DERL2: variants seen among roughly 807,000 people sequenced by gnomAD.
DERL2 encodes the protein derlin 2, also known as derlin-2.
In DERL2, 13 loss-of-function variants were observed where a neutral mutation model predicts 32.0. That is an observed-to-expected ratio of 0.41 (90% confidence interval 0.26 to 0.65). The LOEUF (loss-of-function observed/expected upper bound fraction) is 0.65. DERL2 is among the 30% of genes least tolerant of loss of function. The pLI, the probability that DERL2 is intolerant of heterozygous loss-of-function variation, is 0.35. For synonymous variants in DERL2, 111 were observed against 104.7 expected, an observed-to-expected ratio of 1.06 and a Z score of -0.37; for missense variants, 208 against 296.3, an observed-to-expected ratio of 0.70 and a Z score of 2.19.
In DERL2 at chr17:5,486,105, G is replaced by A. The variant is rs755687854; in HGVS notation, c.57C>T (p.Ala19=). The A allele has an allele frequency of 3.1e-6, 5 of 1,611,766 alleles. No individual in the cohort carries two copies. Among genetic ancestry groups the A allele is most frequent in the African/African-American group, 2.7e-5 (2 of 74,836 alleles). Residue 19 remains alanine (A), a synonymous_variant, in exon 1 of 7, where the codon GCC becomes GCT. Coordinates refer to ENST00000158771, the MANE Select transcript of DERL2 (RefSeq NM_016041.5). ...EYLQIPPVSR[A]YTTACVLTTA... is the part of the protein sequence containing the mutation. ...TGGTGAGGACGCAGGCAGTGGTGTA[G>A]GCGCGGCTGACCGGTGGGATCTGCA...
At chr17:5,480,709 T>A (rs1479184619) in intron 4 of DERL2, 127 bp from the exon 5 acceptor site, 2 of 818,712 alleles carry the variant, frequency 2.4e-6, no homozygotes, top group Admixed American at 3.7e-5. Flanking sequence ...ATCTTTAGAA[T>A]AGAAGGAGAA....
At chr17:5,484,877 G>C (rs1160399589) in intron 2 of DERL2, among the ~76,000 whole-genome samples, 1 of 152,166 alleles carries the variant, frequency 6.6e-6, no homozygotes, top group East Asian at 1.9e-4. Context: ...ACGATGCAGG[G>C]AACTTTAAAA....
chr17:5,485,035 T>A (rs992116351), intron 2 of DERL2, 116 bp downstream of exon 2: 3 of 610,650 alleles, frequency 4.9e-6, no homozygotes, highest in Non-Finnish European at 8.1e-6. Context: ...AGGCAACTTA[T>A]AATCAAAGGT....
At chr17:5,486,286 A>T, upstream of DERL2, 2 of 600,362 alleles carry the variant, frequency 3.3e-6, no homozygotes, top group Non-Finnish European at 5.4e-6. Flanking sequence ...TGCCCAATCA[A>T]CGCCAAGCAA....
Position 5,474,709 on chromosome 17 carries a change from C to T in DERL2, c.695G>A (p.Gly232Asp), listed in dbSNP as rs1484550212. 1 of 1,612,630 alleles carries T rather than the reference C, an allele frequency of 6.2e-7. No homozygotes were observed. Residue 232 changes from glycine to aspartate, a missense_variant, in exon 7 of 7, where the codon GGT (glycine) becomes GAT (aspartate). Physicochemically the swap from Gly to Asp is moderately conservative, Grantham distance 94 (BLOSUM62 -1). Transcript: ENST00000158771. The surrounding 1 kb of genome is among the most constrained non-coding windows in gnomAD (Gnocchi z 4.3). Reference protein sequence around the residue: ...PEERPGGFAWGEGQRLGG With the variant: ...PEERPGGFAWDEGQRLGG ...TTAACCTCCAAGCCGCTGGCCCTCA[C>T]CCCAGGCGAAGCCTCCTGGCCGTTC... is the stretch of plus-strand genomic sequence containing the variant.
At position 5,471,293 on chromosome 17, in the gene DERL2, T is replaced by C. The variant is rs1905117518; in HGVS notation, c.*3391A>G. The C allele has an allele frequency of 6.6e-6, 1 of 152,258 alleles. No homozygotes were observed. The highest frequency in any genetic ancestry group is 1.5e-5 in the Non-Finnish European group (1 of 68,046). 9.4% of individuals were successfully genotyped at this position (152,258 alleles called of 1,614,324 possible). The stretch of plus-strand genomic sequence containing the variant: ...AACAAAGGTATTTATTCAGCACCCA[T>C]GTGCCAAGCACTGTGCTAGGCACTG... On this transcript the variant is annotated 3_prime_UTR_variant, in exon 7 of 7. Transcript: ENST00000158771.
At position 5,471,383 on chromosome 17, in the gene DERL2, C is replaced by A. The variant is rs1905120220; in HGVS notation, c.*3301G>T. On this transcript the variant is annotated 3_prime_UTR_variant, in exon 7 of 7. Transcript: ENST00000158771. ...GGAGCTTACATTCTCATGAGGGAGA[C>A]AAGACTAATATACATGTACCAGCTA... The A allele has an allele frequency of 6.6e-6, 1 of 152,094 alleles. No individual in the cohort carries two copies. Among genetic ancestry groups the A allele is most frequent in the Non-Finnish European group, 1.5e-5 (1 of 68,030 alleles). 9.4% of individuals were successfully genotyped at this position (152,094 alleles called of 1,614,324 possible).
intron 6 of DERL2, 102 bp downstream of exon 6, chr17:5,479,952 T>C: frequency 2.8e-6 from 2 of 705,718 alleles, no homozygotes; most frequent in Non-Finnish European, 2.5e-6. Context: ...GTTACTGACC[T>C]GAGCTATGTG....
At chr17:5,486,362 C>CT (rs1009213880), upstream of DERL2, 4 of 507,036 alleles carry the variant, frequency 7.9e-6, no homozygotes, top group Middle Eastern at 5.4e-4. Context: ...CACCGCCCCC[C>CT]CCCAGCGCCC....
At chr17:5,485,999 A>C in intron 1 of DERL2, 70 bp downstream of exon 1, 2 of 1,459,286 alleles carry the variant, frequency 1.4e-6, no homozygotes, top group Non-Finnish European at 1.9e-6. Flanking sequence ...CCGAGGCCCA[A>C]ACCCCAGTTT....
chr17:5,481,183 A>C lies in DERL2; in HGVS notation c.327+113T>G. On this transcript the variant is annotated intron_variant, in intron 4 of 6. Coordinates refer to ENST00000158771, the MANE Select transcript of DERL2 (RefSeq NM_016041.5). The surrounding 1 kb of genome is among the most constrained non-coding windows in gnomAD (Gnocchi z 4.4). ...TGTCACAGAAAATGTGCTGTAAAAT[A>C]AATGATAGTGCCCTGAAGCTAAGAT... 6.2e-6 allele frequency: 5 copies of C among 809,972 alleles called. No individual in the cohort carries two copies. The South Asian group carries it at 7.5e-5, about 12-fold the overall frequency. The allele number at this position is 809,972 out of a possible 1,614,324, so 50.2% of individuals were successfully genotyped here.
intron 6 of DERL2, among the ~76,000 whole-genome samples, chr17:5,476,638 G>A (rs1295867674): frequency 6.6e-6 from 1 of 152,044 alleles, no homozygotes; most frequent in Middle Eastern, 3.2e-3. Context: ...AAAATTAGCC[G>A]GGTGTGGTGG....
chr17:5,485,269 T>C, intron 1 of DERL2, 53 bp from the exon 2 acceptor site: 1 of 1,340,282 alleles, frequency 7.5e-7, no homozygotes, highest in Non-Finnish European at 1.0e-6. Flanking sequence ...AATTTCATCA[T>C]TTACAACAAA....
At chr17:5,480,929 C>A in intron 4 of DERL2, 2 of 488,398 alleles carry the variant, frequency 4.1e-6, no homozygotes, top group Non-Finnish European at 7.1e-6. Flanking sequence ...GGAACAAAAC[C>A]ATCTTGTCAG....
rs181125580 is a variant in DERL2, at chr17:5,484,292, G to A, written c.159+859C>T. The stretch of plus-strand genomic sequence containing the variant: ...ACAGGGTTTCGCTCTTGTCTCCCAG[G>A]CTGGAGTGCAATGGCACAATCTCGG... On this transcript the variant is annotated intron_variant, in intron 2 of 6. Transcript: ENST00000158771. Among the ~76,000 whole-genome samples, 229 of 152,358 alleles carry A rather than the reference G, an allele frequency of 1.5e-3. 1 individual carries two copies. Among genetic ancestry groups the A allele is most frequent in the African/African-American group, 4.4e-3 (185 of 41,580 alleles).
upstream of DERL2, chr17:5,486,779 T>G (rs1345479325): frequency 6.6e-6 from 1 of 152,400 alleles, no homozygotes; most frequent in African/African-American, 2.4e-5. Flanking sequence ...GGCCTGTGGG[T>G]CGGCCTCACC....
upstream of DERL2, chr17:5,486,390 T>G: frequency 1.7e-5 from 7 of 418,102 alleles, no homozygotes; most frequent in Admixed American, 4.0e-5. Context: ...CCACCCTCTC[T>G]TCTCCACCAG....
chr17:5,485,793 A>G (rs1906196717), intron 1 of DERL2: 1 of 372,044 alleles, frequency 2.7e-6, no homozygotes, highest in Non-Finnish European at 4.8e-6. Flanking sequence ...TCTCGGACAC[A>G]TTTCTTGGGT....
At chr17:5,483,320 GGAAAA>G (rs1356616546) in intron 2 of DERL2, among the ~76,000 whole-genome samples, 3 of 147,844 alleles carry the variant, frequency 2.0e-5, no homozygotes, top group African/African-American at 7.5e-5. Context: ...CTAAAAGAAA[GGAAAA>G]TTCTTTTTTT....
Sources: gnomAD v4.1 joint callset for allele counts (sites outside exome capture counted in the v4.1 genomes callset) on GRCh38, gnomAD v4.1.1 for gene constraint, Gnocchi (gnomAD v3.1) non-coding constraint, MANE v1.5 for transcripts, NCBI Gene and HGNC (gene_info 2026-07-23, HGNC 2026-07-21) for gene names.